The following GABPB2 variants were observed in gnomAD, a reference collection of about 807,000 sequenced individuals.
GABPB2 encodes the protein GA binding protein transcription factor subunit beta 2.
In GABPB2, 23 loss-of-function variants were observed where a neutral mutation model predicts 39.1. That is an observed-to-expected ratio of 0.59 (90% confidence interval 0.42 to 0.83). The LOEUF (loss-of-function observed/expected upper bound fraction) is 0.83. Ranked by LOEUF, GABPB2 falls within the 40% of genes least tolerant of loss-of-function variation. GABPB2 has a pLI of 0.00. For synonymous variants in GABPB2, 184 were observed against 199.3 expected (o/e 0.92, Z 0.65); for missense variants, 467 against 541.1 (o/e 0.86, Z 1.36).
At chr1:151,097,325 G>A (rs1679167303) in intron 4 of GABPB2, among the ~76,000 whole-genome samples, 2 of 152,088 alleles carry the variant, frequency 1.3e-5, no homozygotes, top group South Asian at 2.1e-4. Flanking sequence ...ACAAGCTTTG[G>A]AAAGCAACCT....
chr1:151,084,422 C>T (rs1234186041), intron 1 of GABPB2, among the ~76,000 whole-genome samples: 5 of 150,814 alleles, frequency 3.3e-5, no homozygotes, highest in Admixed American at 6.7e-5. Flanking sequence ...GATGGGATTT[C>T]TCCATGTTGG....
chr1:151,106,815 C>G lies in GABPB2; in HGVS notation c.737-222C>G, dbSNP rs114249661. Among the ~76,000 whole-genome samples, 1,128 of 152,204 alleles carry G rather than the reference C, an allele frequency of 7.4e-3. 9 individuals are homozygous for G. Among genetic ancestry groups the G allele is most frequent in the Middle Eastern group, 0.014 (4 of 294 alleles). On this transcript the variant is annotated intron_variant, in intron 6 of 8. Coordinates refer to ENST00000368918, the MANE Select transcript of GABPB2 (RefSeq NM_144618.3). ...CCATCTTTAGTGAAAGTTATTAATA[C>G]CTCAGTGAACACATTTTACAAAATA...
chr1:151,081,098 C>T (rs1273836470), intron 1 of GABPB2, among the ~76,000 whole-genome samples: 1 of 150,716 alleles, frequency 6.6e-6, no homozygotes, highest in East Asian at 2.0e-4. Flanking sequence ...TGGTCTCGGT[C>T]TCCTGACTTC....
rs1681232714 is a variant in GABPB2, at chr1:151,122,885, G to C, written c.*4629G>C. ...GGTATCTGAAAATAAGTAAGAAAAA[G>C]GCATTGATTTTTATTTACTCGGAAC... On this transcript the variant is annotated 3_prime_UTR_variant, in exon 9 of 9. Coordinates refer to ENST00000368918, the MANE Select transcript of GABPB2 (RefSeq NM_144618.3). 1.3e-5 allele frequency: 2 copies of C among 152,020 alleles called. No homozygotes were observed. The highest frequency in any genetic ancestry group is 4.2e-4 in the South Asian group (2 of 4,818). 9.4% of individuals were successfully genotyped at this position (152,020 alleles called of 1,614,324 possible).
chr1:151,087,876 C>T (rs1678336383), intron 1 of GABPB2, among the ~76,000 whole-genome samples: 1 of 152,062 alleles, frequency 6.6e-6, no homozygotes, highest in Admixed American at 6.6e-5. Flanking sequence ...ATATTGTACC[C>T]TTCTTCATTT....
intron 5 of GABPB2, among the ~76,000 whole-genome samples, chr1:151,101,743 G>A (rs1024033342): frequency 3.3e-5 from 5 of 152,078 alleles, no homozygotes; most frequent in African/African-American, 4.8e-5. Context: ...GGGTAGATTC[G>A]GAACTGAGAG....
In GABPB2 at chr1:151,107,048, G is replaced by GA. The variant is rs767425222; in HGVS notation, c.751dup (p.Ile251AsnfsTer8). On this transcript the variant is annotated frameshift_variant, in exon 7 of 9. Coordinates refer to ENST00000368918, the MANE Select transcript of GABPB2 (RefSeq NM_144618.3). LOFTEE classifies it high-confidence loss of function. ...TTTGTCATCTCTAGCCAATACAGAGGAAATTATAGAAGGAAATTCCGTTGA... is the reference window on the plus strand; with the variant it reads ...TTTGTCATCTCTAGCCAATACAGAGGAAAATTATAGAAGGAAATTCCGTTGA... 1 of 1,603,238 alleles carries GA rather than the reference G, an allele frequency of 6.2e-7. No individual in the cohort carries two copies. The highest frequency in any genetic ancestry group is 2.3e-5 in the East Asian group (1 of 44,376).
chr1:151,109,364 A>ATTTTT (rs56324886), intron 7 of GABPB2, among the ~76,000 whole-genome samples: 1 of 112,374 alleles, frequency 8.9e-6, no homozygotes, highest in Non-Finnish European at 1.7e-5. Context: ...ATATATATAT[A>ATTTTT]TTTTTTTTTT....
Position 151,117,390 on chromosome 1 carries a change from A to G in GABPB2, c.923-2A>G, listed in dbSNP as rs1680957139. On this transcript the variant is annotated splice_acceptor_variant, in intron 7 of 8. Coordinates refer to ENST00000368918, the MANE Select transcript of GABPB2 (RefSeq NM_144618.3). LOFTEE classifies it high-confidence loss of function. ...CTCCAATTGGTGTCCTTTGACTTGT[A>G]GTTCTAACTGTACCTGCTGGTAAGG... 6.2e-7 allele frequency: 1 copy of G among 1,613,212 alleles called. No homozygotes were observed. The highest frequency in any genetic ancestry group is 1.1e-5 in the South Asian group (1 of 90,964).
At chr1:151,092,598 T>TG (rs918669910) in intron 3 of GABPB2, among the ~76,000 whole-genome samples, 19 of 149,970 alleles carry the variant, frequency 1.3e-4, no homozygotes, top group Non-Finnish European at 2.7e-4. Flanking sequence ...TTTTTGTTTT[T>TG]TTTTTTTGGA....
At chr1:151,091,818 T>G (rs587684979) in intron 3 of GABPB2, among the ~76,000 whole-genome samples, 1 of 152,156 alleles carries the variant, frequency 6.6e-6, no homozygotes, top group South Asian at 2.1e-4. Flanking sequence ...CTCACTCTTT[T>G]GTCCTGGCTG....
At chr1:151,107,015 A>T (rs1680020247) in intron 6 of GABPB2, 22 bp from the exon 7 acceptor site, 1 of 1,541,222 alleles carries the variant, frequency 6.5e-7, no homozygotes, top group South Asian at 1.2e-5. Context: ...TGAAATTTTA[A>T]ATTTGCTTTT....
intron 7 of GABPB2, chr1:151,112,763 G>T: frequency 5.9e-6 from 1 of 170,306 alleles, no homozygotes; most frequent in South Asian, 1.4e-4. Context: ...TAAAAGGAAG[G>T]AGCTCCCGAA....
intron 7 of GABPB2, among the ~76,000 whole-genome samples, chr1:151,113,920 C>G (rs1460667872): frequency 6.6e-6 from 1 of 151,188 alleles, no homozygotes; most frequent in Non-Finnish European, 1.5e-5. Context: ...TGATACCCAT[C>G]CAAGTTGTTG....
chr1:151,110,005 ATTTTTTTTTTTTTTTTTTTTTT>A (rs71577269), intron 7 of GABPB2, among the ~76,000 whole-genome samples: 3,576 of 60,896 alleles, frequency 0.059, 152 homozygotes, highest in African/African-American at 0.13. Context: ...TGCCCAGCTA[ATTTTTTTTTTTTTTTTTTTTTT>A]TTTTTTTTTT....
chr1:151,091,619 C>T (rs758165072), intron 3 of GABPB2, among the ~76,000 whole-genome samples: 89 of 151,274 alleles, frequency 5.9e-4, no homozygotes, highest in Non-Finnish European at 1.0e-3. Flanking sequence ...TGATTACAGG[C>T]GCCCACCACC....
chr1:151,103,772 G>A (rs587664744), intron 6 of GABPB2, 97 bp downstream of exon 6: 1 of 798,892 alleles, frequency 1.3e-6, no homozygotes, highest in Non-Finnish European at 2.0e-6. Context: ...TTAAAGAATT[G>A]CATTTAATTA....
intron 1 of GABPB2, among the ~76,000 whole-genome samples, chr1:151,085,550 C>T (rs779131518): frequency 6.6e-6 from 1 of 152,126 alleles, no homozygotes; most frequent in African/African-American, 2.4e-5. Context: ...ACACCATTCT[C>T]CTGCCTCAGC....
chr1:151,116,876 C>G (rs1680919076), intron 7 of GABPB2, among the ~76,000 whole-genome samples: 1 of 152,084 alleles, frequency 6.6e-6, no homozygotes, highest in South Asian at 2.1e-4. Context: ...TCCCAACATG[C>G]TAGAATTATA....
Sources: allele counts gnomAD v4.1 joint callset (sites outside exome capture counted in the v4.1 genomes callset), GRCh38; gene constraint gnomAD v4.1.1; transcripts MANE v1.5; gene names NCBI Gene and HGNC (gene_info 2026-07-23, HGNC 2026-07-21).